Variants in FRK observed in about 807,000 individuals in gnomAD.
FRK encodes fyn related Src family tyrosine kinase.
In FRK, 51 loss-of-function variants were observed where a neutral mutation model predicts 56.4. The ratio of observed to expected loss-of-function variants is 0.90; its 90% CI spans 0.72 to 1.14. The LOEUF (loss-of-function observed/expected upper bound fraction) is 1.14, where lower values mean the gene tolerates loss of function less well. FRK is among the 50% of genes most tolerant of loss of function. The probability of loss-of-function intolerance (pLI) is 0.00; values close to 1 mark genes in which losing one functional copy is unlikely to be tolerated. For missense variants in FRK, 570 were observed against 601.4 expected (o/e 0.95, Z 0.55); for synonymous variants, 245 against 217.9 (o/e 1.12, Z -1.10).
chr6:116,066,433 ATG>A, the FRK span, among the ~76,000 whole-genome samples: 27 of 150,592 alleles, frequency 1.8e-4, no homozygotes, highest in Admixed American at 1.1e-3. Context: ...ATATATATAT[ATG>A]TGTGTGTGTG....
chr6:115,968,058 C>A (rs1773656788), intron 3 of FRK, among the ~76,000 whole-genome samples: 1 of 152,148 alleles, frequency 6.6e-6, no homozygotes, highest in Non-Finnish European at 1.5e-5. Flanking sequence ...GAAGTTCCCT[C>A]TCACCCACAA....
In FRK at chr6:115,932,596, G is replaced by A. The variant is rs1771976139; in HGVS notation, c.*9818C>T. ...ATCACCATTCTAGCTCACATAATGT[G>A]TCTTTTTAAAGAATCATAATGAGTC... On this transcript the variant is annotated 3_prime_UTR_variant, in exon 8 of 8. Transcript: ENST00000606080. 6.6e-6 allele frequency: 1 copy of A among 152,160 alleles called. No homozygotes were observed. The highest frequency in any genetic ancestry group is 2.4e-5 in the African/African-American group (1 of 41,426). 9.4% of individuals were successfully genotyped at this position (152,160 alleles called of 1,614,324 possible). A position where few individuals can be genotyped will look rare whatever the true frequency, so the allele number is the denominator to read the frequency against.
chr6:116,024,319 G>T (rs111415044), intron 1 of FRK, among the ~76,000 whole-genome samples: 18 of 151,504 alleles, frequency 1.2e-4, no homozygotes, highest in African/African-American at 4.4e-4. Context: ...CAATGTGCAG[G>T]TTAGTTACAT....
In FRK at chr6:115,966,740, G is replaced by A. The variant is rs181412424; in HGVS notation, c.799+811C>T. Among the ~76,000 whole-genome samples the A allele has an allele frequency of 5.9e-5, 9 of 152,254 alleles. No individual in the cohort carries two copies. The South Asian group carries it at 8.3e-4, about 14-fold the overall frequency. ...TTATAGACTGTCACTTCCATGGAGC[G>A]TGAGGCAATAGTAATAAATGTGAGT... On this transcript the variant is annotated intron_variant, in intron 4 of 7. Coordinates refer to ENST00000606080, the MANE Select transcript of FRK (RefSeq NM_002031.3).
chr6:116,024,059 CA>C (rs1775981591), intron 1 of FRK, among the ~76,000 whole-genome samples: 2 of 8,254 alleles, frequency 2.4e-4, no homozygotes, highest in South Asian at 8.2e-3. Flanking sequence ...TGAGAACTTA[CA>C]CACACACACA....
At chr6:115,973,938 C>A (rs1003640860) in intron 2 of FRK, among the ~76,000 whole-genome samples, 9 of 150,464 alleles carry the variant, frequency 6.0e-5, no homozygotes, top group Non-Finnish European at 1.2e-4. Context: ...AGTCCCAATT[C>A]ATTTCTCCAC....
At chr6:115,992,624 C>T (rs1038087243) in intron 2 of FRK, among the ~76,000 whole-genome samples, 1 of 151,748 alleles carries the variant, frequency 6.6e-6, no homozygotes, top group Non-Finnish European at 1.5e-5. Context: ...GAAAACACTT[C>T]AACATGCAAA....
In FRK at chr6:115,940,466, C is replaced by T. The variant is rs908158545; in HGVS notation, c.*1948G>A. ...ACAAAAACCAATGGCAACAAAAGCC[C>T]AAATTGAGAAATGGGATCTAATTAA... On this transcript the variant is annotated 3_prime_UTR_variant, in exon 8 of 8. Coordinates refer to ENST00000606080, the MANE Select transcript of FRK (RefSeq NM_002031.3). 1.3e-5 allele frequency: 2 copies of T among 151,868 alleles called. No individual in the cohort carries two copies. Among genetic ancestry groups the T allele is most frequent in the African/African-American group, 4.8e-5 (2 of 41,344 alleles). 9.4% of individuals were successfully genotyped at this position (151,868 alleles called of 1,614,324 possible). A position where few individuals can be genotyped will look rare whatever the true frequency, so the allele number is the denominator to read the frequency against.
chr6:116,037,822 T>G (rs199969491), intron 1 of FRK, among the ~76,000 whole-genome samples: 1 of 105,242 alleles, frequency 9.5e-6, no homozygotes, highest in South Asian at 3.2e-4. Context: ...CTTTTTCTTT[T>G]GATTGTTTTC....
chr6:116,092,869 T>C, the FRK span, among the ~76,000 whole-genome samples: 1 of 152,132 alleles, frequency 6.6e-6, no homozygotes, highest in South Asian at 2.1e-4. Flanking sequence ...TTGAAATGCA[T>C]CCTAAGCCAT....
Position 115,997,754 on chromosome 6 carries a change from T to C in FRK, c.466+6123A>G, listed in dbSNP as rs776957550. 5.3e-5 allele frequency among the ~76,000 whole-genome samples: 8 copies of C among 152,190 alleles called. 1 individual carries two copies. The highest frequency in any genetic ancestry group is 1.3e-4 in the Admixed American group (2 of 15,270). ...AACTCTGTCCTGGTTCAAGCTCTCA[T>C]TTATGGAGAAAGGAGACTGTGTAGA... On this transcript the variant is annotated intron_variant, in intron 2 of 7. Coordinates refer to ENST00000606080, the MANE Select transcript of FRK (RefSeq NM_002031.3).
the FRK span, among the ~76,000 whole-genome samples, chr6:116,073,687 T>C: frequency 2.0e-4 from 30 of 152,162 alleles, no homozygotes; most frequent in Admixed American, 1.0e-3. Flanking sequence ...TCCTTGTACA[T>C]ATTATGTAGG....
chr6:115,946,129 C>G (rs984751228), intron 5 of FRK, among the ~76,000 whole-genome samples: 3 of 152,046 alleles, frequency 2.0e-5, no homozygotes, highest in Non-Finnish European at 2.9e-5. Flanking sequence ...TCTTATATAT[C>G]CCCGTCTCAA....
intron 2 of FRK, among the ~76,000 whole-genome samples, chr6:115,982,844 G>C (rs1220217176): frequency 1.3e-5 from 2 of 152,088 alleles, no homozygotes; most frequent in Non-Finnish European, 2.9e-5. Flanking sequence ...GGCTGAAGCG[G>C]GTGGATCACT....
intron 1 of FRK, among the ~76,000 whole-genome samples, chr6:116,014,490 T>G (rs978524577): frequency 1.3e-5 from 2 of 151,794 alleles, no homozygotes; most frequent in Non-Finnish European, 2.9e-5. Flanking sequence ...GACAAGGGTA[T>G]GTGCACAAGT....
At chr6:115,948,085 A>T (rs1312165878) in intron 5 of FRK, among the ~76,000 whole-genome samples, 3 of 152,196 alleles carry the variant, frequency 2.0e-5, no homozygotes, top group Non-Finnish European at 2.9e-5. Flanking sequence ...ATTAAATTAT[A>T]AGAGGCTGTG....
chr6:115,970,973 G>T (rs1421365696), intron 2 of FRK, among the ~76,000 whole-genome samples: 1 of 151,950 alleles, frequency 6.6e-6, no homozygotes, highest in Non-Finnish European at 1.5e-5. Flanking sequence ...TGATATGAGG[G>T]GTCAGTGACT....
chr6:116,008,740 G>A (rs374892876), intron 1 of FRK, among the ~76,000 whole-genome samples: 30 of 152,306 alleles, frequency 2.0e-4, no homozygotes, highest in African/African-American at 7.0e-4. Flanking sequence ...GTCCACCACA[G>A]CCATTTTCAG....
intron 1 of FRK, among the ~76,000 whole-genome samples, chr6:116,050,152 C>T (rs1418640311): frequency 6.6e-6 from 1 of 152,190 alleles, no homozygotes; most frequent in Non-Finnish European, 1.5e-5. Flanking sequence ...CTAGACCTTG[C>T]TGTCTTCTGT....
Sources: allele counts gnomAD v4.1 joint callset (sites outside exome capture counted in the v4.1 genomes callset), GRCh38; gene constraint gnomAD v4.1.1; transcripts MANE v1.5; gene names NCBI Gene and HGNC (gene_info 2026-07-23, HGNC 2026-07-21).